CD9: variants seen among roughly 807,000 people sequenced by gnomAD.
The protein encoded by CD9 is CD9 molecule, also known as CD9 antigen.
In CD9, 10 loss-of-function variants were observed where a neutral mutation model predicts 31.4. The ratio of observed to expected loss-of-function variants is 0.32; its 90% CI spans 0.20 to 0.54. The LOEUF is 0.54. CD9 is among the 20% of genes least tolerant of loss of function. The pLI is 0.94. For synonymous variants in CD9, 113 were observed against 114.1 expected (o/e 0.99, Z 0.06); for missense variants, 259 against 300.1 (o/e 0.86, Z 1.01).
chr12:6,224,624 C>A (rs1946338234), intron 1 of CD9, among the ~76,000 whole-genome samples: 1 of 152,114 alleles, frequency 6.6e-6, no homozygotes, highest in Non-Finnish European at 1.5e-5. Context: ...AAACCTGGGC[C>A]CACCCACTCC....
At chr12:6,210,575 C>G (rs570832135) in intron 1 of CD9, among the ~76,000 whole-genome samples, 1 of 152,340 alleles carries the variant, frequency 6.6e-6, no homozygotes, top group East Asian at 1.9e-4. Flanking sequence ...GGAGGCGCGT[C>G]TGCAAGCTGC....
At position 6,225,230 on chromosome 12, in the gene CD9, TC is replaced by T. The variant is rs1946347616; in HGVS notation, c.67-194del. 6.9e-6 allele frequency: 4 copies of T among 575,808 alleles called. No individual in the cohort carries two copies. In the South Asian group the frequency reaches 8.9e-5, roughly 13 times the overall value. 35.7% of individuals were successfully genotyped at this position (575,808 alleles called of 1,614,324 possible). ...GGGCGGCAGGTAGGTCACTGTTTAT[TC>T]CTCGCTTGCTGGTATTTTTAGTACC... On this transcript the variant is annotated intron_variant, in intron 1 of 7. Coordinates refer to ENST00000009180, the MANE Select transcript of CD9 (RefSeq NM_001769.4).
intron 7 of CD9, among the ~76,000 whole-genome samples, chr12:6,237,000 C>T (rs567473519): frequency 6.6e-5 from 10 of 152,066 alleles, no homozygotes; most frequent in Admixed American, 2.0e-4. Flanking sequence ...TTTTTTGAGA[C>T]GAAGTTTCAC....
chr12:6,202,423 T>C (rs1214512555), intron 1 of CD9, among the ~76,000 whole-genome samples: 1 of 152,204 alleles, frequency 6.6e-6, no homozygotes, highest in Non-Finnish European at 1.5e-5. Context: ...ACCCTTGAAC[T>C]TTGGGAGTTT....
At position 6,236,338 on chromosome 12, in the gene CD9, TCTACC is replaced by T. The variant is rs1228547243; in HGVS notation, c.621+65_621+69del. ...GAGTTCACATTGATTCAGCCCATGC[TCTACC>T]CAGACACCGCCGCACTCTGTGCATT... On this transcript the variant is annotated intron_variant, in intron 7 of 7. Coordinates refer to ENST00000009180, the MANE Select transcript of CD9 (RefSeq NM_001769.4). 11 of 1,452,594 alleles carry T rather than the reference TCTACC, an allele frequency of 7.6e-6. No individual in the cohort carries two copies. In the African/African-American group the frequency reaches 1.5e-4, roughly 20 times the overall value. The allele number at this position is 1,452,594 out of a possible 1,614,324, so 90.0% of individuals were successfully genotyped here. A position where few individuals can be genotyped will look rare whatever the true frequency, so the allele number is the denominator to read the frequency against.
At chr12:6,233,689 T>A (rs568072969) in intron 4 of CD9, among the ~76,000 whole-genome samples, 10 of 152,260 alleles carry the variant, frequency 6.6e-5, no homozygotes, top group African/African-American at 2.4e-4. Flanking sequence ...TCCGAGATTG[T>A]GCCAGCCATG....
intron 2 of CD9, among the ~76,000 whole-genome samples, chr12:6,229,582 A>G (rs1023039135): frequency 1.3e-5 from 2 of 152,172 alleles, no homozygotes; most frequent in African/African-American, 4.8e-5. Context: ...CACCTGGTGG[A>G]GTTATTTGGA....
At chr12:6,206,093 C>T (rs1167602345) in intron 1 of CD9, 2 of 150,616 alleles carry the variant, frequency 1.3e-5, no homozygotes, top group African/African-American at 2.4e-5. Context: ...GGGTGAGAGC[C>T]TGTCAGACCC....
chr12:6,222,649 A>T (rs1029345070), intron 1 of CD9, among the ~76,000 whole-genome samples: 1 of 151,974 alleles, frequency 6.6e-6, no homozygotes, highest in Non-Finnish European at 1.5e-5. Flanking sequence ...CCTTCTTACC[A>T]CCTGTGCACA....
At position 6,236,360 on chromosome 12, in the gene CD9, CTG is replaced by C. The variant is rs1227108722; in HGVS notation, c.621+88_621+89del. ...TGCTCTACCCAGACACCGCCGCACT[CTG>C]TGCATTTGTCAACTCACTTTGTCCT... is the stretch of plus-strand genomic sequence containing the variant. On this transcript the variant is annotated intron_variant, in intron 7 of 7. Transcript: ENST00000009180. 1.3e-5 allele frequency: 16 copies of C among 1,204,906 alleles called. No homozygotes were observed. In the African/African-American group the frequency reaches 2.2e-4, roughly 17 times the overall value. The allele number at this position is 1,204,906 out of a possible 1,614,324, so 74.6% of individuals were successfully genotyped here. A position where few individuals can be genotyped will look rare whatever the true frequency, so the allele number is the denominator to read the frequency against.
intron 1 of CD9, among the ~76,000 whole-genome samples, chr12:6,201,549 C>T (rs1399704849): frequency 1.3e-5 from 2 of 152,260 alleles, no homozygotes; most frequent in Non-Finnish European, 2.9e-5. Flanking sequence ...GCAGGCCACT[C>T]AGCCTCTACA....
In CD9 at chr12:6,232,411, G is replaced by A. The variant is rs1323828163; in HGVS notation, c.176-221G>A. 1 of 603,132 alleles carries A rather than the reference G, an allele frequency of 1.7e-6. No homozygotes were observed. Among genetic ancestry groups the A allele is most frequent in the African/African-American group, 1.9e-5 (1 of 53,944 alleles). 37.4% of individuals were successfully genotyped at this position (603,132 alleles called of 1,614,324 possible). ...GAGGGTAAGGTAGGAGCGTGAGCTTGATGAAGCAGAGTCATGCAAGAGAGG... is the reference window on the plus strand; with the variant it reads ...GAGGGTAAGGTAGGAGCGTGAGCTTAATGAAGCAGAGTCATGCAAGAGAGG... On this transcript the variant is annotated intron_variant, in intron 2 of 7. Transcript: ENST00000009180. This position sits in a 1 kb window ranked among gnomAD's most constrained non-coding sequence, Gnocchi z 4.8.
intron 2 of CD9, among the ~76,000 whole-genome samples, chr12:6,231,616 C>T (rs556366844): frequency 6.6e-6 from 1 of 152,334 alleles, no homozygotes; most frequent in Admixed American, 6.5e-5. Flanking sequence ...GGTTGTGGAA[C>T]GAATGGGGCC....
In CD9 at chr12:6,218,227, CA is replaced by C. The variant is rs145352724; in HGVS notation, c.67-7187del. On this transcript the variant is annotated intron_variant, in intron 1 of 7. Transcript: ENST00000009180. ...TGGGTGACAGAGTGAGACCCTGTCT[CA>C]AAAAAAAAAAAGTGTATGGCCAGTC... 3.0e-3 allele frequency among the ~76,000 whole-genome samples: 429 copies of C among 145,008 alleles called. 7 individuals are homozygous for C. The South Asian group carries it at 0.03, about 10-fold the overall frequency.
At chr12:6,235,587 G>C (rs1946509665) in intron 6 of CD9, 22 bp downstream of exon 6, 1 of 1,596,584 alleles carries the variant, frequency 6.3e-7, no homozygotes, top group African/African-American at 1.3e-5. Flanking sequence ...CCAGGATCCT[G>C]GTGTCCCTGC....
At chr12:6,223,939 A>C (rs1430428493) in intron 1 of CD9, among the ~76,000 whole-genome samples, 1 of 152,222 alleles carries the variant, frequency 6.6e-6, no homozygotes, top group Non-Finnish European at 1.5e-5. Context: ...TCTCAAGTTC[A>C]TTTGAACTCT....
chr12:6,233,755 G>C (rs1990384), intron 4 of CD9, among the ~76,000 whole-genome samples: 3 of 151,670 alleles, frequency 2.0e-5, no homozygotes, highest in Admixed American at 6.6e-5. Context: ...GCGTGTGTCT[G>C]TCTGTCCATC....
intron 1 of CD9, among the ~76,000 whole-genome samples, chr12:6,222,896 C>G (rs774745578): frequency 1.3e-5 from 2 of 152,180 alleles, no homozygotes; most frequent in Non-Finnish European, 2.9e-5. Flanking sequence ...TGTTTTCGTT[C>G]TTTTCTGCGA....
chr12:6,203,822 G>A (rs1207374185), intron 1 of CD9, among the ~76,000 whole-genome samples: 10 of 152,162 alleles, frequency 6.6e-5, no homozygotes, highest in Admixed American at 6.5e-4. Context: ...ACACATGCAT[G>A]TCTGCCCTCT....
Sources: gnomAD v4.1 joint callset for allele counts (sites outside exome capture counted in the v4.1 genomes callset) on GRCh38, gnomAD v4.1.1 for gene constraint, Gnocchi (gnomAD v3.1) non-coding constraint, MANE v1.5 for transcripts, NCBI Gene and HGNC (gene_info 2026-07-23, HGNC 2026-07-21) for gene names.